CNTNAP3B: variants seen among roughly 807,000 people sequenced by gnomAD.
CNTNAP3B encodes the protein contactin associated protein family member 3B.
Under a neutral mutation model 108.9 loss-of-function variants are expected in CNTNAP3B, and 25 were observed. The ratio of observed to expected loss-of-function variants is 0.23; its 90% confidence interval spans 0.17 to 0.32. The LOEUF (loss-of-function observed/expected upper bound fraction) is 0.32, where lower values mean the gene tolerates loss of function less well. Ranked by LOEUF, CNTNAP3B falls within the 10% of genes least tolerant of loss-of-function variation. The pLI is 1.00. For missense variants in CNTNAP3B, 252 were observed against 1,210.4 expected (o/e 0.21, Z 11.75); for synonymous variants, 103 against 473.4 (o/e 0.22, Z 10.16).
chr9:41,956,210 C>CCCTA (rs1824852753), intron 12 of CNTNAP3B, among the ~76,000 whole-genome samples: 1 of 152,112 alleles, frequency 6.6e-6, no homozygotes, highest in South Asian at 2.1e-4. Context: ...CATAGTAAAA[C>CCCTA]CCTATCTCTA....
At chr9:41,961,135 T>A (rs1258856845) in intron 11 of CNTNAP3B, among the ~76,000 whole-genome samples, 1 of 152,310 alleles carries the variant, frequency 6.6e-6, no homozygotes, top group East Asian at 1.9e-4. Context: ...TTGGATGTTG[T>A]TAGATGCTGA....
intron 15 of CNTNAP3B, among the ~76,000 whole-genome samples, chr9:41,926,031 C>T (rs1823809766): frequency 6.6e-6 from 1 of 152,270 alleles, no homozygotes; most frequent in Non-Finnish European, 1.5e-5. Context: ...CTCTCTCTCT[C>T]ACACACACAT....
chr9:41,977,894 G>C (rs1262438597), intron 9 of CNTNAP3B, among the ~76,000 whole-genome samples: 3 of 142,118 alleles, frequency 2.1e-5, no homozygotes, highest in Non-Finnish European at 3.0e-5. Flanking sequence ...GCCTCCCAAA[G>C]TGCTGGGATT....
At chr9:41,941,807 T>C (rs1270237913) in intron 13 of CNTNAP3B, among the ~76,000 whole-genome samples, 3 of 150,812 alleles carry the variant, frequency 2.0e-5, no homozygotes, top group African/African-American at 7.4e-5. Flanking sequence ...CTACAGAGAT[T>C]GAAAACTCCT....
At chr9:41,924,658 C>CATAT (rs1441479068) in intron 15 of CNTNAP3B, among the ~76,000 whole-genome samples, 246 of 73,272 alleles carry the variant, frequency 3.4e-3, no homozygotes, top group African/African-American at 9.0e-3. Context: ...CACACACACA[C>CATAT]ACACACACAC....
chr9:41,939,865 C>A (rs1363494496), intron 13 of CNTNAP3B, among the ~76,000 whole-genome samples: 1 of 152,032 alleles, frequency 6.6e-6, no homozygotes, highest in East Asian at 1.9e-4. Context: ...GCTATTTCCA[C>A]CAAGTATAAT....
intron 1 of CNTNAP3B, among the ~76,000 whole-genome samples, chr9:42,107,756 A>T (rs1433125267): frequency 7.3e-6 from 1 of 137,736 alleles, no homozygotes; most frequent in Non-Finnish European, 1.5e-5. Flanking sequence ...CGGGTGGATC[A>T]CAAGGTCAGG....
intron 3 of CNTNAP3B, among the ~76,000 whole-genome samples, chr9:42,049,252 G>T (rs1389778539): frequency 7.2e-6 from 1 of 138,194 alleles, no homozygotes; most frequent in East Asian, 2.2e-4. Flanking sequence ...ACTCTGTGTT[G>T]ACTGTACACC....
At chr9:41,996,377 T>C (rs1431016907) in intron 6 of CNTNAP3B, 29 bp from the exon 7 acceptor site, 2 of 1,406,400 alleles carry the variant, frequency 1.4e-6, no homozygotes, top group Admixed American at 2.2e-5. Context: ...ATAAATAACA[T>C]TGTTTAGTGA....
At chr9:41,935,572 C>A (rs1461898022) in intron 14 of CNTNAP3B, among the ~76,000 whole-genome samples, 202 of 152,220 alleles carry the variant, frequency 1.3e-3, no homozygotes, top group African/African-American at 4.7e-3. Flanking sequence ...ACTGAAAAAT[C>A]AATTTTATTT....
chr9:42,110,358 G>C (rs1229359154), intron 1 of CNTNAP3B, among the ~76,000 whole-genome samples: 4 of 136,942 alleles, frequency 2.9e-5, no homozygotes, highest in African/African-American at 1.2e-4. Flanking sequence ...GCTAAGCACT[G>C]TGTCGGCGGA....
chr9:42,087,111 A>G (rs1056064975), intron 2 of CNTNAP3B, among the ~76,000 whole-genome samples: 2 of 142,126 alleles, frequency 1.4e-5, no homozygotes, highest in African/African-American at 2.7e-5. Context: ...TGATAATCAG[A>G]TTGTTACTAC....
At chr9:42,056,393 C>G (rs1409437608) in intron 3 of CNTNAP3B, among the ~76,000 whole-genome samples, 6 of 138,686 alleles carry the variant, frequency 4.3e-5, no homozygotes, top group African/African-American at 1.7e-4. Context: ...CTCTGTCGCC[C>G]AGGCTGGAGT....
At chr9:41,937,313 G>A (rs1378352849) in intron 14 of CNTNAP3B, among the ~76,000 whole-genome samples, 1 of 151,912 alleles carries the variant, frequency 6.6e-6, no homozygotes. Flanking sequence ...TTTCAGTGGA[G>A]ACGGGGTTTC....
intron 13 of CNTNAP3B, among the ~76,000 whole-genome samples, chr9:41,940,774 C>T (rs1395600098): frequency 2.6e-5 from 4 of 152,038 alleles, no homozygotes; most frequent in East Asian, 1.9e-4. Flanking sequence ...GAGATTGTGC[C>T]ACTGCACTCC....
At chr9:41,947,990 A>T (rs1329914361) in intron 13 of CNTNAP3B, among the ~76,000 whole-genome samples, 2 of 151,216 alleles carry the variant, frequency 1.3e-5, no homozygotes, top group African/African-American at 4.9e-5. Flanking sequence ...TAATTTAAGT[A>T]ATTGTAATTA....
intron 13 of CNTNAP3B, among the ~76,000 whole-genome samples, chr9:41,944,996 C>A (rs1824481458): frequency 6.6e-6 from 1 of 151,382 alleles, no homozygotes; most frequent in South Asian, 2.1e-4. Context: ...ATTTATGCAG[C>A]CAACAGACAC....
intron 14 of CNTNAP3B, among the ~76,000 whole-genome samples, chr9:41,935,035 A>G (rs1428276493): frequency 1.3e-5 from 2 of 152,098 alleles, no homozygotes; most frequent in African/African-American, 2.4e-5. Context: ...TATATGTTAT[A>G]TGTATATTTT....
At chr9:42,117,821 A>G (rs1433047862) in intron 1 of CNTNAP3B, among the ~76,000 whole-genome samples, 1 of 138,424 alleles carries the variant, frequency 7.2e-6, no homozygotes, top group East Asian at 2.2e-4. Flanking sequence ...TCAAATAGAA[A>G]CAATAAAAAA....
Sources: allele counts gnomAD v4.1 joint callset (sites outside exome capture counted in the v4.1 genomes callset), GRCh38; gene constraint gnomAD v4.1.1; transcripts MANE v1.5; gene names NCBI Gene and HGNC (gene_info 2026-07-23, HGNC 2026-07-21).